The following CCDC141 variants were observed in gnomAD, a reference collection of about 807,000 sequenced individuals.
CCDC141 encodes the protein coiled-coil domain-containing protein 141.
In CCDC141, 168 loss-of-function variants were observed where a neutral mutation model predicts 181.0. The ratio of observed to expected loss-of-function variants is 0.93; its 90% CI spans 0.82 to 1.05. CCDC141 has a LOEUF of 1.05. Among genes scored for constraint, CCDC141 ranks in the 50% least tolerant of loss-of-function variants. The pLI, the probability that CCDC141 is intolerant of heterozygous loss-of-function variation, is 0.00. For missense variants in CCDC141, 1,902 were observed against 1,788.5 expected, an observed-to-expected ratio of 1.06 and a Z score of -1.14; for synonymous variants, 666 against 642.3, an observed-to-expected ratio of 1.04 and a Z score of -0.56.
chr2:178,840,470 C>G (rs909450728), intron 22 of CCDC141, among the ~76,000 whole-genome samples: 2 of 152,188 alleles, frequency 1.3e-5, no homozygotes, highest in African/African-American at 4.8e-5. Flanking sequence ...ACTCCTCAAT[C>G]CCTGCTGGGG....
chr2:178,982,406 G>A (rs1691459290), intron 2 of CCDC141, among the ~76,000 whole-genome samples: 1 of 152,312 alleles, frequency 6.6e-6, no homozygotes, highest in Non-Finnish European at 1.5e-5. Flanking sequence ...GGAGGTGAAA[G>A]ACTTGTACAT....
At chr2:178,846,223 C>T (rs1164656373) in intron 21 of CCDC141, among the ~76,000 whole-genome samples, 2 of 152,080 alleles carry the variant, frequency 1.3e-5, no homozygotes, top group African/African-American at 2.4e-5. Flanking sequence ...TAAAGAAAAA[C>T]AGCAATTGAG....
intron 7 of CCDC141, among the ~76,000 whole-genome samples, chr2:178,906,526 C>T (rs1687978704): frequency 1.3e-5 from 2 of 152,166 alleles, no homozygotes. Flanking sequence ...CCCTTTAGCA[C>T]TACTGAAAGA....
intron 5 of CCDC141, among the ~76,000 whole-genome samples, chr2:178,953,509 GAA>G (rs892992081): frequency 3.3e-5 from 5 of 151,878 alleles, no homozygotes; most frequent in African/African-American, 1.2e-4. Flanking sequence ...GTTTATCCAG[GAA>G]TACTACCCCT....
At chr2:178,877,217 T>G (rs1483915746) in intron 12 of CCDC141, 1 of 152,170 alleles carries the variant, frequency 6.6e-6, no homozygotes, top group Non-Finnish European at 1.5e-5. Context: ...ACATAGCAAC[T>G]GTTTTTAATG....
At position 178,871,536 on chromosome 2, in the gene CCDC141, T is replaced by A; in HGVS notation, c.2096A>T (p.Lys699Ile). ...EQLKKTSHNL[K>I]LLQEALMPVS... ...AGGCATAAGTGCTTCCTGAAGAAGTTTTAAGTTGTGAGAAGTCTGAAATAA... is the reference window on the plus strand; with the variant it reads ...AGGCATAAGTGCTTCCTGAAGAAGTATTAAGTTGTGAGAAGTCTGAAATAA... The change falls in exon 14 of 24, where the codon AAA becomes ATA. Residue 699 changes from lysine to isoleucine, a missense_variant. Coordinates refer to ENST00000443758, the MANE Select transcript of CCDC141 (RefSeq NM_173648.4). 2 of 1,613,416 alleles carry A rather than the reference T, an allele frequency of 1.2e-6. No individual in the cohort carries two copies. The highest frequency in any genetic ancestry group is 1.7e-6 in the Non-Finnish European group (2 of 1,179,770).
Position 178,865,784 on chromosome 2 carries a change from T to C in CCDC141, c.2707A>G (p.Arg903Gly). 6.4e-7 allele frequency: 1 copy of C among 1,558,784 alleles called. No individual in the cohort carries two copies. Among genetic ancestry groups the C allele is most frequent in the Non-Finnish European group, 8.7e-7 (1 of 1,155,072 alleles). The change falls in exon 17 of 24, where the codon AGA (arginine) becomes GGA (glycine). Residue 903 changes from arginine (R) to glycine (G), a missense_variant. Coordinates refer to ENST00000443758, the MANE Select transcript of CCDC141 (RefSeq NM_173648.4). ...ACACCCACCTCATTTATCTCGTCTC[T>C]CATGGCGCAGTACTCCACACTACGG... ...LSRSVEYCAM[R>G]DEINELKDSF...
intron 12 of CCDC141, chr2:178,873,200 A>ATTTT (rs1686196793): frequency 6.6e-6 from 1 of 152,188 alleles, no homozygotes; most frequent in African/African-American, 2.4e-5. Flanking sequence ...AGGATATTTT[A>ATTTT]AAGATAGGCC....
chr2:179,047,508 T>A (rs1450517581), intron 1 of CCDC141, 102 bp from the exon 2 acceptor site: 1 of 1,031,002 alleles, frequency 9.7e-7, no homozygotes, highest in Non-Finnish European at 1.3e-6. Context: ...AGTTATACTG[T>A]AAACACTTTT....
chr2:178,983,108 C>T (rs1242802451), intron 2 of CCDC141, among the ~76,000 whole-genome samples: 1 of 152,182 alleles, frequency 6.6e-6, no homozygotes, highest in Non-Finnish European at 1.5e-5. Flanking sequence ...CAGTACGCAG[C>T]TGGAGATCTG....
chr2:178,865,387 T>C (rs963109325), intron 17 of CCDC141, among the ~76,000 whole-genome samples: 3 of 152,166 alleles, frequency 2.0e-5, no homozygotes, highest in African/African-American at 7.2e-5. Flanking sequence ...AACTGGTCAA[T>C]GTCACCCCTT....
At chr2:178,926,231 T>C (rs1295767961) in intron 6 of CCDC141, among the ~76,000 whole-genome samples, 1 of 152,200 alleles carries the variant, frequency 6.6e-6, no homozygotes, top group Non-Finnish European at 1.5e-5. Context: ...AGACAAATTT[T>C]GGAACCACTG....
intron 5 of CCDC141, among the ~76,000 whole-genome samples, chr2:178,956,215 C>A (rs114794949): frequency 0.013 from 1,939 of 152,336 alleles, 42 homozygotes; most frequent in African/African-American, 0.044. Flanking sequence ...GCTTTATTAA[C>A]TAACTACTCC....
chr2:178,902,531 G>A (rs2154372600), intron 8 of CCDC141, among the ~76,000 whole-genome samples: 1 of 152,272 alleles, frequency 6.6e-6, no homozygotes, highest in Non-Finnish European at 1.5e-5. Context: ...AATAAATGGT[G>A]CTGGGAAAAC....
downstream of CCDC141, among the ~76,000 whole-genome samples, chr2:178,824,798 T>C (rs1025124879): frequency 1.3e-5 from 2 of 152,098 alleles, no homozygotes; most frequent in African/African-American, 4.8e-5. Context: ...ATACAATGTA[T>C]TGACATAGGT....
chr2:178,896,592 A>G (rs1687419370), intron 8 of CCDC141, among the ~76,000 whole-genome samples: 1 of 152,212 alleles, frequency 6.6e-6, no homozygotes, highest in African/African-American at 2.4e-5. Flanking sequence ...TAAAATATAT[A>G]TTTTTAAAAA....
chr2:178,819,560 T>C, the CCDC141 span, among the ~76,000 whole-genome samples: 96 of 152,360 alleles, frequency 6.3e-4, no homozygotes, highest in Middle Eastern at 3.4e-3. Flanking sequence ...AAGCTTATGC[T>C]ATCTTGTTTC....
rs201143642 is a variant in CCDC141, at chr2:178,995,818, A to G, written c.226-17143T>C. 4.6e-5 allele frequency among the ~76,000 whole-genome samples: 7 copies of G among 152,320 alleles called. No individual in the cohort carries two copies. The East Asian group carries it at 1.3e-3, about 29-fold the overall frequency. On this transcript the variant is annotated intron_variant, in intron 2 of 23. Transcript: ENST00000443758. ...GTATATTTTCTTACCTAGCTATTTA[A>G]GAGCATAATAACTGGATATTTGATT...
rs190945046 is a variant in CCDC141 at position 178,945,569 on chromosome 2, G to A, written c.781-918C>T. 4.1e-3 allele frequency among the ~76,000 whole-genome samples: 622 copies of A among 152,202 alleles called. 4 individuals are homozygous for A. Among genetic ancestry groups the A allele is most frequent in the Non-Finnish European group, 7.0e-3 (475 of 67,996 alleles). On this transcript the variant is annotated intron_variant, in intron 5 of 23. Transcript: ENST00000443758. The stretch of plus-strand genomic sequence containing the variant: ...ATTTCAAATCCATGCTCTTTCCATT[G>A]TGCCCTGCTGCCATGCTTGAGTTAT...
Sources: allele counts gnomAD v4.1 joint callset (sites outside exome capture counted in the v4.1 genomes callset), GRCh38; gene constraint gnomAD v4.1.1; transcripts MANE v1.5; gene names NCBI Gene and HGNC (gene_info 2026-07-23, HGNC 2026-07-21).